Variants in AUTS2 observed in about 807,000 individuals in gnomAD.
AUTS2 encodes the protein autism susceptibility gene 2 protein.
A neutral mutation model predicts 112.4 loss-of-function variants in AUTS2; 17 were observed. The ratio of observed to expected loss-of-function variants is 0.15; its 90% confidence interval spans 0.10 to 0.23. The LOEUF is 0.23. AUTS2 is among the 10% of genes least tolerant of loss of function. AUTS2 has a pLI of 1.00. For missense variants in AUTS2, 1,510 were observed against 1,701.6 expected (o/e 0.89, Z 1.98); for synonymous variants, 751 against 702.7 (o/e 1.07, Z -1.09).
Position 70,766,099 on chromosome 7 carries a change from C to G in AUTS2, c.1469-15C>G. The G allele has an allele frequency of 6.2e-7, 1 of 1,609,084 alleles. No homozygotes were observed. Among genetic ancestry groups the G allele is most frequent in the Non-Finnish European group, 8.5e-7 (1 of 1,176,214 alleles). On this transcript the variant is annotated splice_polypyrimidine_tract_variant and intron_variant, in intron 8 of 18. Coordinates refer to ENST00000342771, the MANE Select transcript of AUTS2 (RefSeq NM_015570.4). The surrounding 1 kb of genome is among the most constrained non-coding windows in gnomAD (Gnocchi z 4.8). ...AAGGAAAAGGCGTCATCGTCTCCCT[C>G]TTCTTCTCTTCCAGAGCAAGACATC...
intron 1 of AUTS2, among the ~76,000 whole-genome samples, chr7:69,640,670 T>C (rs1468588): frequency 0.71 from 108,419 of 152,104 alleles, 38,704 homozygotes; most frequent in East Asian, 0.78. Context: ...CCTTCAAATA[T>C]TTTGGTTTAA....
At chr7:69,754,411 G>A (rs1464952475) in intron 1 of AUTS2, among the ~76,000 whole-genome samples, 1 of 152,192 alleles carries the variant, frequency 6.6e-6, no homozygotes, top group East Asian at 1.9e-4. Flanking sequence ...AAGATACAGG[G>A]ATTTGTATGT....
intron 2 of AUTS2, among the ~76,000 whole-genome samples, chr7:70,044,200 G>T (rs927125315): frequency 7.9e-5 from 12 of 152,150 alleles, no homozygotes; most frequent in Non-Finnish European, 1.5e-4. Context: ...GTTTCCAGGT[G>T]CAGGTCCTCC....
intron 4 of AUTS2, among the ~76,000 whole-genome samples, chr7:70,228,523 G>A (rs528487674): frequency 1.5e-4 from 23 of 151,502 alleles, no homozygotes; most frequent in African/African-American, 5.1e-4. Flanking sequence ...CTAAATAGGT[G>A]TGTTTTAGTG....
intron 2 of AUTS2, among the ~76,000 whole-genome samples, chr7:69,938,441 C>G (rs939773564): frequency 6.6e-6 from 1 of 152,176 alleles, no homozygotes; most frequent in Non-Finnish European, 1.5e-5. Context: ...TTTTAAAATA[C>G]AATAATCCTT....
chr7:70,597,669 AT>A (rs1803273050), intron 5 of AUTS2, among the ~76,000 whole-genome samples: 1 of 152,182 alleles, frequency 6.6e-6, no homozygotes, highest in Non-Finnish European at 1.5e-5. Flanking sequence ...TTGGAGAGAA[AT>A]CCCTGCTCAG....
chr7:69,848,297 A>C (rs1405306009), intron 1 of AUTS2, among the ~76,000 whole-genome samples: 1 of 152,170 alleles, frequency 6.6e-6, no homozygotes, highest in Non-Finnish European at 1.5e-5. Flanking sequence ...TACTATAATG[A>C]TATCTCAGTC....
intron 5 of AUTS2, among the ~76,000 whole-genome samples, chr7:70,666,654 T>C (rs924707231): frequency 6.8e-6 from 1 of 146,088 alleles, no homozygotes; most frequent in African/African-American, 2.8e-5. Context: ...CCCACCACAT[T>C]TTTTTTTATA....
At chr7:70,243,914 G>C (rs1345925455) in intron 4 of AUTS2, among the ~76,000 whole-genome samples, 1 of 151,798 alleles carries the variant, frequency 6.6e-6, no homozygotes, top group African/African-American at 2.4e-5. Context: ...GAGTATGGGA[G>C]ATACTCTTAC....
chr7:69,901,203 A>T (rs1794955430), intron 2 of AUTS2, among the ~76,000 whole-genome samples: 1 of 152,046 alleles, frequency 6.6e-6, no homozygotes. Context: ...GTGACTCCTA[A>T]CTCATGCCTC....
chr7:70,648,072 C>T (rs547947554), intron 5 of AUTS2, among the ~76,000 whole-genome samples: 12 of 152,256 alleles, frequency 7.9e-5, no homozygotes, highest in East Asian at 3.9e-4. Context: ...TTCTTTGCCT[C>T]GGTTTCTCAT....
At chr7:69,898,401 T>G (rs1448421393) in intron 1 of AUTS2, among the ~76,000 whole-genome samples, 3 of 152,192 alleles carry the variant, frequency 2.0e-5, no homozygotes, top group Non-Finnish European at 4.4e-5. Context: ...GTATGTGGTT[T>G]GTTTGATGTT....
At chr7:69,909,084 A>C (rs1291899969) in intron 2 of AUTS2, among the ~76,000 whole-genome samples, 1 of 152,206 alleles carries the variant, frequency 6.6e-6, no homozygotes, top group Non-Finnish European at 1.5e-5. Flanking sequence ...AAATTGCAAT[A>C]TTGTTAGCAA....
intron 1 of AUTS2, among the ~76,000 whole-genome samples, chr7:69,700,383 GC>G (rs1797755087): frequency 6.6e-6 from 1 of 151,834 alleles, no homozygotes; most frequent in African/African-American, 2.4e-5. Context: ...CCAAAAAGTT[GC>G]AAAGATTACG....
chr7:70,433,214 A>G (rs1258497793), intron 4 of AUTS2, among the ~76,000 whole-genome samples: 1 of 152,114 alleles, frequency 6.6e-6, no homozygotes, highest in South Asian at 2.1e-4. Context: ...TGCCGTTAGG[A>G]TAGGGGGCAC....
intron 5 of AUTS2, among the ~76,000 whole-genome samples, chr7:70,690,126 G>A (rs946673420): frequency 2.2e-4 from 34 of 152,212 alleles, no homozygotes; most frequent in African/African-American, 8.0e-4. Context: ...ACTGAGGCAG[G>A]GAGAGTGAAG....
At chr7:69,843,178 C>T (rs1012866663) in intron 1 of AUTS2, among the ~76,000 whole-genome samples, 1 of 152,072 alleles carries the variant, frequency 6.6e-6, no homozygotes, top group African/African-American at 2.4e-5. Context: ...CATTTGAAGT[C>T]AGGTAGACTT....
At chr7:69,749,338 T>C (rs537601650) in intron 1 of AUTS2, among the ~76,000 whole-genome samples, 1 of 152,348 alleles carries the variant, frequency 6.6e-6, no homozygotes, top group Non-Finnish European at 1.5e-5. Context: ...GTGCAACCAC[T>C]ACCACAGTCA....
rs535259564 is a variant in AUTS2, at chr7:69,746,966, A to G, written c.309+147004A>G. Among the ~76,000 whole-genome samples the G allele has an allele frequency of 2.0e-5, 3 of 152,312 alleles. No individual in the cohort carries two copies. In the South Asian group the frequency reaches 6.2e-4, roughly 32 times the overall value. ...GACCAAAAAGAAGGTAGAGTTGGAT[A>G]CAAGAGCCTGGCATTGTTGGCATTT... On this transcript the variant is annotated intron_variant, in intron 1 of 18. Coordinates refer to ENST00000342771, the MANE Select transcript of AUTS2 (RefSeq NM_015570.4).
Sources: allele counts gnomAD v4.1 joint callset (sites outside exome capture counted in the v4.1 genomes callset), GRCh38; gene constraint gnomAD v4.1.1; non-coding constraint Gnocchi (gnomAD v3.1); transcripts MANE v1.5; gene names NCBI Gene and HGNC (gene_info 2026-07-23, HGNC 2026-07-21).